PDE1C: variants seen among roughly 807,000 people sequenced by gnomAD.
PDE1C encodes the protein phosphodiesterase 1C.
A neutral mutation model predicts 93.1 loss-of-function variants in PDE1C; 62 were observed. The ratio of observed to expected loss-of-function variants is 0.67; its 90% CI spans 0.54 to 0.82. PDE1C has a LOEUF of 0.82. PDE1C is among the 40% of genes least tolerant of loss of function. PDE1C has a pLI of 0.00. For synonymous variants in PDE1C, 325 were observed against 310.1 expected, an observed-to-expected ratio of 1.05 and a Z score of -0.50; for missense variants, 742 against 884.6, an observed-to-expected ratio of 0.84 and a Z score of 2.04.
chr7:31,652,885 G>A, the PDE1C span: 1 of 1,559,662 alleles, frequency 6.4e-7, no homozygotes, highest in Non-Finnish European at 8.7e-7. Flanking sequence ...AACAGATGTA[G>A]CAAGGAAATT....
At chr7:32,267,102 C>T (rs1176765566) in intron 1 of PDE1C, among the ~76,000 whole-genome samples, 3 of 152,232 alleles carry the variant, frequency 2.0e-5, no homozygotes, top group East Asian at 1.9e-4. Flanking sequence ...CCCTGATAGG[C>T]GGGGCCTCGA....
At chr7:32,294,272 C>T (rs1812506869) in intron 1 of PDE1C, among the ~76,000 whole-genome samples, 1 of 152,238 alleles carries the variant, frequency 6.6e-6, no homozygotes, top group Non-Finnish European at 1.5e-5. Flanking sequence ...GCAGAAAAGC[C>T]AGTGGCTGTT....
chr7:32,092,497 G>A (rs956659291), intron 3 of PDE1C, among the ~76,000 whole-genome samples: 1 of 152,088 alleles, frequency 6.6e-6, no homozygotes, highest in African/African-American at 2.4e-5. Flanking sequence ...CCTGTCCCCC[G>A]ACCTCTACAT....
At chr7:31,790,146 T>TA in intron 16 of PDE1C, 1 of 1,595,860 alleles carries the variant, frequency 6.3e-7, no homozygotes, top group Non-Finnish European at 8.5e-7. Flanking sequence ...CTTCTCCAGA[T>TA]ATGGGTCTTT....
intron 3 of PDE1C, among the ~76,000 whole-genome samples, chr7:32,085,502 C>A (rs1334092666): frequency 4.7e-5 from 7 of 149,616 alleles, no homozygotes; most frequent in African/African-American, 1.5e-4. Flanking sequence ...AACTCATTTT[C>A]TGAGGCCAGC....
intron 1 of PDE1C, among the ~76,000 whole-genome samples, chr7:32,245,667 G>C (rs929383879): frequency 1.3e-5 from 2 of 152,164 alleles, no homozygotes; most frequent in Non-Finnish European, 2.9e-5. Flanking sequence ...ACATAAACTA[G>C]GTGTCTCACA....
intron 1 of PDE1C, among the ~76,000 whole-genome samples, chr7:32,416,796 T>C (rs963446810): frequency 6.6e-5 from 10 of 152,156 alleles, no homozygotes; most frequent in Non-Finnish European, 8.8e-5. Flanking sequence ...CAAGTCTGTA[T>C]GGTTAAAACA....
chr7:31,916,573 A>G (rs949929939), intron 2 of PDE1C, among the ~76,000 whole-genome samples: 6 of 152,140 alleles, frequency 3.9e-5, no homozygotes, highest in African/African-American at 1.4e-4. Flanking sequence ...ACGTCATGCA[A>G]ATTTACTTAT....
chr7:31,915,418 G>C (rs772375651), intron 2 of PDE1C, among the ~76,000 whole-genome samples: 3 of 152,130 alleles, frequency 2.0e-5, no homozygotes, highest in Non-Finnish European at 4.4e-5. Context: ...TAGCCAGGAG[G>C]GTGGCAGCCT....
intron 1 of PDE1C, among the ~76,000 whole-genome samples, chr7:32,277,901 T>C (rs1338428682): frequency 2.0e-5 from 3 of 152,094 alleles, no homozygotes; most frequent in Non-Finnish European, 4.4e-5. Context: ...GTACTGGAAA[T>C]TGGCTTGTCC....
intron 2 of PDE1C, among the ~76,000 whole-genome samples, chr7:32,017,052 T>C (rs958837253): frequency 7.2e-5 from 11 of 152,190 alleles, no homozygotes; most frequent in African/African-American, 2.4e-4. Context: ...ATAATAGCAG[T>C]ACTTATTTCA....
At chr7:31,768,189 T>G (rs928231673) in intron 17 of PDE1C, among the ~76,000 whole-genome samples, 1 of 152,186 alleles carries the variant, frequency 6.6e-6, no homozygotes, top group Non-Finnish European at 1.5e-5. Context: ...TGCTTTCTAC[T>G]TGGGGGGTTG....
At chr7:31,649,592 G>A in the PDE1C span, among the ~76,000 whole-genome samples, 5 of 152,214 alleles carry the variant, frequency 3.3e-5, no homozygotes, top group African/African-American at 1.2e-4. Context: ...TCAACTAGCA[G>A]CCTCTGCTAC....
chr7:32,370,041 T>C (rs1404030916), intron 1 of PDE1C, among the ~76,000 whole-genome samples: 1 of 152,224 alleles, frequency 6.6e-6, no homozygotes, highest in African/African-American at 2.4e-5. Context: ...CGTATGTTTA[T>C]TGTGGCATTA....
At chr7:32,168,678 G>A (rs1389440041) in intron 3 of PDE1C, among the ~76,000 whole-genome samples, 1 of 152,028 alleles carries the variant, frequency 6.6e-6, no homozygotes, top group Non-Finnish European at 1.5e-5. Flanking sequence ...GCCCTTAGTA[G>A]GAATAAAAAC....
At chr7:32,074,266 C>T (rs1445093361), upstream of PDE1C, among the ~76,000 whole-genome samples, 2 of 152,178 alleles carry the variant, frequency 1.3e-5, no homozygotes, top group Non-Finnish European at 2.9e-5. Context: ...AATGACCCCC[C>T]TGGTCTCTTT....
At chr7:31,736,947 T>C in the PDE1C span, among the ~76,000 whole-genome samples, 2 of 151,640 alleles carry the variant, frequency 1.3e-5, no homozygotes, top group African/African-American at 4.8e-5. Flanking sequence ...ATTCTTTTTT[T>C]CCCCCTTTAA....
At chr7:32,142,894 T>TAC (rs1563348515) in intron 3 of PDE1C, among the ~76,000 whole-genome samples, 1 of 151,990 alleles carries the variant, frequency 6.6e-6, no homozygotes, top group Non-Finnish European at 1.5e-5. Context: ...TATATATATA[T>TAC]ACAAATAACT....
In PDE1C at chr7:32,147,984, T is replaced by TAAAAAAAAAAAAAAAAAAAAAAAA. The variant is rs752433564; in HGVS notation, c.308+21800_308+21801insTTTTTTTTTTTTTTTTTTTTTTTT. 2.5e-4 allele frequency among the ~76,000 whole-genome samples: 20 copies of TAAAAAAAAAAAAAAAAAAAAAAAA among 79,702 alleles called. 2 individuals are homozygous for TAAAAAAAAAAAAAAAAAAAAAAAA. Among genetic ancestry groups the TAAAAAAAAAAAAAAAAAAAAAAAA allele is most frequent in the East Asian group, 7.0e-4 (1 of 1,430 alleles). The allele number at this position is 79,702 out of a possible 152,430, so 52.3% of individuals were successfully genotyped here. On this transcript the variant is annotated intron_variant, in intron 3 of 18. Transcript: ENST00000396193. ...AACTTGCCTCTCAACCCATTTATGC[T>TAAAAAAAAAAAAAAAAAAAAAAAA]AAAAAAAAAAAAAAAAAAAAAGCCT... is the stretch of plus-strand genomic sequence containing the variant.
Sources: allele counts gnomAD v4.1 joint callset (sites outside exome capture counted in the v4.1 genomes callset), GRCh38; gene constraint gnomAD v4.1.1; transcripts MANE v1.5; gene names NCBI Gene and HGNC (gene_info 2026-07-23, HGNC 2026-07-21).